FBXL13: variants seen among roughly 807,000 people sequenced by gnomAD.
The protein encoded by FBXL13 is F-box and leucine-rich repeat protein 13.
FBXL13 carries 67 observed loss-of-function variants against 83.6 expected under a neutral mutation model. The observed-to-expected ratio is 0.80, with a 90% confidence interval of 0.66 to 0.98. FBXL13 has a LOEUF of 0.98. Among genes scored for constraint, FBXL13 ranks in the 50% least tolerant of loss-of-function variants. The pLI is 0.00. For missense variants in FBXL13, 822 were observed against 866.5 expected (o/e 0.95, Z 0.64); for synonymous variants, 272 against 299.5 (o/e 0.91, Z 0.95).
intron 8 of FBXL13, among the ~76,000 whole-genome samples, chr7:102,951,676 G>C (rs113914471): frequency 0.035 from 5,334 of 151,344 alleles, 283 homozygotes; most frequent in African/African-American, 0.12. Context: ...AGCCAGGTGT[G>C]GCCACCTGTA....
intron 11 of FBXL13, among the ~76,000 whole-genome samples, chr7:102,908,815 C>A (rs1391984133): frequency 6.6e-6 from 1 of 152,252 alleles, no homozygotes; most frequent in East Asian, 1.9e-4. Flanking sequence ...CCCCTGTGGC[C>A]TCCACCACTA....
At chr7:102,899,008 C>T (rs555799506) in intron 11 of FBXL13, among the ~76,000 whole-genome samples, 14 of 152,244 alleles carry the variant, frequency 9.2e-5, no homozygotes, top group Admixed American at 6.5e-4. Context: ...CCTCCATCTT[C>T]GGGTTCAAGC....
intron 19 of FBXL13, among the ~76,000 whole-genome samples, chr7:102,815,946 A>C (rs1340783158): frequency 6.6e-6 from 1 of 152,202 alleles, no homozygotes; most frequent in Non-Finnish European, 1.5e-5. Context: ...AATATAAGAT[A>C]AGGAAAACAG....
chr7:102,816,124 C>T (rs1797969510), intron 19 of FBXL13: 1 of 152,194 alleles, frequency 6.6e-6, no homozygotes, highest in African/African-American at 2.4e-5. Context: ...CTCTCCAGTC[C>T]ACCCACAGAC....
chr7:102,885,986 A>G (rs1810744009), intron 11 of FBXL13, among the ~76,000 whole-genome samples: 1 of 152,144 alleles, frequency 6.6e-6, no homozygotes, highest in Non-Finnish European at 1.5e-5. Context: ...CTATATGTCT[A>G]TCCTTATGCC....
intron 10 of FBXL13, among the ~76,000 whole-genome samples, chr7:102,918,152 T>C (rs1036577712): frequency 1.1e-4 from 17 of 152,210 alleles, no homozygotes; most frequent in African/African-American, 3.9e-4. Context: ...CATTTTTGCA[T>C]ACCCAAGCAT....
At chr7:102,939,368 C>A in intron 8 of FBXL13, 1 of 1,390,508 alleles carries the variant, frequency 7.2e-7, no homozygotes, top group Non-Finnish European at 1.0e-6. Context: ...ACAGATATAA[C>A]GGTGACCGAG....
intron 16 of FBXL13, among the ~76,000 whole-genome samples, chr7:102,867,426 G>A (rs1807819469): frequency 6.6e-6 from 1 of 151,934 alleles, no homozygotes; most frequent in Non-Finnish European, 1.5e-5. Flanking sequence ...TGGAGAAGGT[G>A]TTTCAGACAG....
At chr7:102,856,966 T>G (rs964739244) in intron 16 of FBXL13, among the ~76,000 whole-genome samples, 1 of 152,226 alleles carries the variant, frequency 6.6e-6, no homozygotes, top group Non-Finnish European at 1.5e-5. Flanking sequence ...CTATTTATAA[T>G]AAAATCCATG....
chr7:102,898,095 C>A (rs2129463511), intron 11 of FBXL13, among the ~76,000 whole-genome samples: 1 of 152,230 alleles, frequency 6.6e-6, no homozygotes. Context: ...ATTGGCACAA[C>A]CAATTTGTAA....
chr7:102,991,605 A>G (rs1829565738), intron 6 of FBXL13, among the ~76,000 whole-genome samples: 2 of 152,236 alleles, frequency 1.3e-5, no homozygotes, highest in Non-Finnish European at 1.5e-5. Context: ...CATGGGAAAG[A>G]GCAAGTTGGC....
intron 6 of FBXL13, among the ~76,000 whole-genome samples, chr7:103,010,734 C>T (rs981788924): frequency 6.6e-6 from 1 of 152,200 alleles, no homozygotes; most frequent in African/African-American, 2.4e-5. Context: ...AGGCTGGTCC[C>T]CAGCTTCATT....
intron 1 of FBXL13, among the ~76,000 whole-genome samples, chr7:103,069,070 G>A (rs1020255053): frequency 4.0e-5 from 6 of 149,064 alleles, no homozygotes; most frequent in African/African-American, 1.5e-4. Context: ...ACCTCTGCCC[G>A]GCCGCCCCAC....
At chr7:102,831,825 T>G (rs1268019386) in intron 18 of FBXL13, among the ~76,000 whole-genome samples, 1 of 152,282 alleles carries the variant, frequency 6.6e-6, no homozygotes, top group Admixed American at 6.5e-5. Flanking sequence ...CTTATCCATA[T>G]GGGCCCTCAC....
intron 8 of FBXL13, among the ~76,000 whole-genome samples, chr7:102,959,913 A>G (rs1824908411): frequency 6.6e-6 from 1 of 152,140 alleles, no homozygotes; most frequent in African/African-American, 2.4e-5. Context: ...ACTGACATGG[A>G]AAGATTTTCA....
rs1797316652 is a variant in FBXL13 at position 103,056,211 on chromosome 7, AT to A, written c.-104-465del. ...CCTTTTCATGGCTGAGTCATATTGC[AT>A]CATATATATATGATGTGATATATAT... On this transcript the variant is annotated intron_variant, in intron 1 of 19. Transcript: ENST00000313221. Among the ~76,000 whole-genome samples the A allele has an allele frequency of 2.6e-5, 4 of 152,308 alleles. No individual in the cohort carries two copies. The South Asian group carries it at 8.3e-4, about 32-fold the overall frequency.
intron 6 of FBXL13, chr7:102,988,034 G>C (rs1027323991): frequency 1.3e-5 from 2 of 152,216 alleles, no homozygotes; most frequent in Non-Finnish European, 2.9e-5. Context: ...ATCACCCAGG[G>C]AGTGAAGATG....
intron 17 of FBXL13, chr7:102,834,755 T>C (rs1030197592): frequency 1.3e-5 from 2 of 152,254 alleles, no homozygotes; most frequent in Non-Finnish European, 2.9e-5. Context: ...ATGATGACTA[T>C]AGTTAGTAAC....
intron 7 of FBXL13, among the ~76,000 whole-genome samples, chr7:102,966,342 T>C (rs1219923673): frequency 2.0e-5 from 3 of 152,118 alleles, no homozygotes; most frequent in Non-Finnish European, 2.9e-5. Context: ...CAACAAGGTA[T>C]TGGGTGATGC....
Sources: allele counts gnomAD v4.1 joint callset (sites outside exome capture counted in the v4.1 genomes callset), GRCh38; gene constraint gnomAD v4.1.1; transcripts MANE v1.5; gene names NCBI Gene and HGNC (gene_info 2026-07-23, HGNC 2026-07-21).